PAX7: variants seen among roughly 807,000 people sequenced by gnomAD.
The protein encoded by PAX7 is paired box 7, also known as paired box protein Pax-7.
A neutral mutation model predicts 50.7 loss-of-function variants in PAX7; 18 were observed. The ratio of observed to expected loss-of-function variants is 0.36; its 90% confidence interval spans 0.25 to 0.53. PAX7 has a LOEUF of 0.53. PAX7 is among the 20% of genes least tolerant of loss of function. PAX7 has a pLI of 0.93. For missense variants in PAX7, 644 were observed against 702.9 expected (o/e 0.92, Z 0.95); for synonymous variants, 310 against 290.4 (o/e 1.07, Z -0.69).
chr1:18,716,933 G>A (rs941661217), intron 7 of PAX7, among the ~76,000 whole-genome samples: 1 of 151,636 alleles, frequency 6.6e-6, no homozygotes. Flanking sequence ...ACCGGGCGCG[G>A]GCTCCCGAGG....
At chr1:18,667,391 A>AAGGAAGG (rs1553136571) in intron 4 of PAX7, among the ~76,000 whole-genome samples, 23 of 113,450 alleles carry the variant, frequency 2.0e-4, no homozygotes, top group African/African-American at 7.1e-4. Context: ...AAGGAAGGAG[A>AAGGAAGG]AAGGAAGGAA....
At chr1:18,731,238 C>T (rs2100395846) in intron 7 of PAX7, among the ~76,000 whole-genome samples, 1 of 152,300 alleles carries the variant, frequency 6.6e-6, no homozygotes, top group South Asian at 2.1e-4. Flanking sequence ...AACTGTGGGC[C>T]AATGCTTCCT....
chr1:18,686,367 C>A (rs2088976044), intron 4 of PAX7, among the ~76,000 whole-genome samples: 1 of 152,180 alleles, frequency 6.6e-6, no homozygotes, highest in Non-Finnish European at 1.5e-5. Context: ...CAGACCAGCA[C>A]CCCCTGGGAC....
chr1:18,647,648 A>T (rs1434469214), intron 4 of PAX7, among the ~76,000 whole-genome samples: 1 of 152,170 alleles, frequency 6.6e-6, no homozygotes, highest in Non-Finnish European at 1.5e-5. Flanking sequence ...TAGGCTAGGA[A>T]GCGTAAATGC....
At chr1:18,741,652 A>G (rs1931141958) in intron 8 of PAX7, among the ~76,000 whole-genome samples, 1 of 152,174 alleles carries the variant, frequency 6.6e-6, no homozygotes, top group Admixed American at 6.6e-5. Context: ...GAATAGCTGA[A>G]GAGGTTGGTG....
At chr1:18,692,434 C>T (rs1268041683) in intron 5 of PAX7, among the ~76,000 whole-genome samples, 5 of 152,048 alleles carry the variant, frequency 3.3e-5, no homozygotes, top group South Asian at 4.1e-4. Context: ...CCCAGCTACT[C>T]GGGAGGCTGA....
intron 4 of PAX7, among the ~76,000 whole-genome samples, chr1:18,650,542 C>T (rs758937933): frequency 1.3e-5 from 2 of 152,194 alleles, no homozygotes; most frequent in Non-Finnish European, 2.9e-5. Flanking sequence ...CGGAGTCACC[C>T]AGGTGCTTTT....
chr1:18,644,399 G>T (rs2088306591), intron 4 of PAX7, among the ~76,000 whole-genome samples: 1 of 152,210 alleles, frequency 6.6e-6, no homozygotes, highest in African/African-American at 2.4e-5. Context: ...TGAAAAAAGA[G>T]AATTAGCTAA....
At chr1:18,655,770 G>GGTGTGT (rs549280757) in intron 4 of PAX7, among the ~76,000 whole-genome samples, 16,533 of 143,576 alleles carry the variant, frequency 0.12, 1,122 homozygotes, top group Non-Finnish European at 0.15. Flanking sequence ...ACTTGGAGAG[G>GGTGTGT]GTGTGTGTGT....
intron 4 of PAX7, among the ~76,000 whole-genome samples, chr1:18,655,783 G>GTGTGTGTGTT (rs1194888871): frequency 1.3e-5 from 2 of 150,330 alleles, no homozygotes; most frequent in East Asian, 3.9e-4. Context: ...GTGTGTGTGT[G>GTGTGTGTGTT]TGTGTGTGTG....
At chr1:18,661,437 C>T (rs2088598198) in intron 4 of PAX7, among the ~76,000 whole-genome samples, 1 of 152,212 alleles carries the variant, frequency 6.6e-6, no homozygotes, top group South Asian at 2.1e-4. Flanking sequence ...AATCCTCCTC[C>T]AGCTCCTTGA....
chr1:18,661,521 C>T (rs367585884), intron 4 of PAX7, among the ~76,000 whole-genome samples: 10 of 152,302 alleles, frequency 6.6e-5, no homozygotes, highest in South Asian at 6.2e-4. Flanking sequence ...GAAGCCTGCA[C>T]GCTAACTCAG....
At chr1:18,656,458 C>G (rs1208900490) in intron 4 of PAX7, among the ~76,000 whole-genome samples, 4 of 152,154 alleles carry the variant, frequency 2.6e-5, no homozygotes, top group African/African-American at 9.7e-5. Context: ...CGAGATACCG[C>G]CACTGCACTG....
In PAX7 at chr1:18,634,835, C is replaced by T. The variant is rs2088118804; in HGVS notation, c.322-276C>T. Among the ~76,000 whole-genome samples, 2 of 152,320 alleles carry T rather than the reference C, an allele frequency of 1.3e-5. No homozygotes were observed. Among genetic ancestry groups the T allele is most frequent in the Non-Finnish European group, 2.9e-5 (2 of 68,028 alleles). On this transcript the variant is annotated intron_variant, in intron 2 of 8. Transcript: ENST00000420770. This position sits in a 1 kb window ranked among gnomAD's most constrained non-coding sequence, Gnocchi z 4.0. Reference sequence around the variant, plus strand: ...CAGAAGACATCTTCTCTCAGTCTTTCCTGAGATAATGACGGGGACCCTGGG... The same window carrying T: ...CAGAAGACATCTTCTCTCAGTCTTTTCTGAGATAATGACGGGGACCCTGGG...
Position 18,634,937 on chromosome 1 carries a change from GGGAGCCA to G in PAX7, c.322-170_322-164del, listed in dbSNP as rs2088122183. Among the ~76,000 whole-genome samples the G allele has an allele frequency of 6.6e-6, 1 of 152,060 alleles. No individual in the cohort carries two copies. The highest frequency in any genetic ancestry group is 2.4e-5 in the African/African-American group (1 of 41,402). ...TGGCCAGACCCCCAGCTGCCTTCCTGGGAGCCAGGAACCGGTTTCTTGAAAGGATAAA... is the reference window on the plus strand; with the variant it reads ...TGGCCAGACCCCCAGCTGCCTTCCTGGGAACCGGTTTCTTGAAAGGATAAA... On this transcript the variant is annotated intron_variant, in intron 2 of 8. Coordinates refer to ENST00000420770, the MANE Select transcript of PAX7 (RefSeq NM_001135254.2). The surrounding 1 kb of genome is among the most constrained non-coding windows in gnomAD (Gnocchi z 4.0).
At position 18,691,871 on chromosome 1, in the gene PAX7, C is replaced by A; in HGVS notation, c.704C>A (p.Ala235Asp). 6.2e-7 allele frequency: 1 copy of A among 1,613,926 alleles called. No individual in the cohort carries two copies. Among genetic ancestry groups the A allele is most frequent in the African/African-American group, 1.3e-5 (1 of 75,054 alleles). Residue 235 changes from alanine to aspartate, a missense_variant, in exon 5 of 9, where the codon GCC (alanine) becomes GAC (aspartate). Coordinates refer to ENST00000420770, the MANE Select transcript of PAX7 (RefSeq NM_001135254.2). ...GAGCAGCTGGAGGAGCTGGAGAAGG[C>A]CTTTGAGAGGACCCACTACCCAGAC... ...TAEQLEELEK[A>D]FERTHYPDIY...
At position 18,735,879 on chromosome 1, in the gene PAX7, G is replaced by A; in HGVS notation, c.1402+1G>A. 6.2e-7 allele frequency: 1 copy of A among 1,614,112 alleles called. No individual in the cohort carries two copies. The highest frequency in any genetic ancestry group is 8.5e-7 in the Non-Finnish European group (1 of 1,180,028). ...TATCAGTACGGCCAGTACGGCCAGA[G>A]TGAGTGCCTGGTGCCCTGGGCGTCC... On this transcript the variant is annotated splice_donor_variant, in intron 8 of 8. Coordinates refer to ENST00000420770, the MANE Select transcript of PAX7 (RefSeq NM_001135254.2). LOFTEE classifies it high-confidence loss of function. The surrounding 1 kb of genome is among the most constrained non-coding windows in gnomAD (Gnocchi z 4.0).
At chr1:18,718,337 G>A (rs1210194161) in intron 7 of PAX7, among the ~76,000 whole-genome samples, 1 of 152,206 alleles carries the variant, frequency 6.6e-6, no homozygotes, top group Non-Finnish European at 1.5e-5. Flanking sequence ...TCTTTGCAGG[G>A]TGGGGCGATT....
chr1:18,706,230 A>G (rs998369410), intron 7 of PAX7, among the ~76,000 whole-genome samples: 3 of 152,130 alleles, frequency 2.0e-5, no homozygotes, highest in Non-Finnish European at 4.4e-5. Context: ...AAGGATCTGC[A>G]GGGAGACGCC....
Sources: allele counts gnomAD v4.1 joint callset (sites outside exome capture counted in the v4.1 genomes callset), GRCh38; gene constraint gnomAD v4.1.1; non-coding constraint Gnocchi (gnomAD v3.1); transcripts MANE v1.5; gene names NCBI Gene and HGNC (gene_info 2026-07-23, HGNC 2026-07-21).